The following VIPR2 variants were observed in gnomAD, a reference collection of about 807,000 sequenced individuals.
VIPR2 encodes vasoactive intestinal polypeptide receptor 2.
In VIPR2, 48 loss-of-function variants were observed where a neutral mutation model predicts 58.0. The ratio of observed to expected loss-of-function variants is 0.83; its 90% confidence interval spans 0.66 to 1.05. The LOEUF is 1.05. Among genes scored for constraint, VIPR2 ranks in the 50% least tolerant of loss-of-function variants. VIPR2 has a pLI of 0.00. For missense variants in VIPR2, 534 were observed against 558.0 expected (o/e 0.96, Z 0.43); for synonymous variants, 243 against 235.2 (o/e 1.03, Z -0.30).
intron 8 of VIPR2, among the ~76,000 whole-genome samples, chr7:159,035,236 G>C (rs1352291051): frequency 1.3e-5 from 2 of 152,190 alleles, no homozygotes; most frequent in East Asian, 3.9e-4. Context: ...TTGGGTCCAT[G>C]CTTTCCCTCG....
Position 159,096,886 on chromosome 7 carries a change from G to A in VIPR2, c.357+6871C>T. ...CCATGGCTGAGACCACCCTCTCTGTGGCCGCCTTGCTGTCCCCGTTCCCAT... is the reference window on the plus strand; with the variant it reads ...CCATGGCTGAGACCACCCTCTCTGTAGCCGCCTTGCTGTCCCCGTTCCCAT... On this transcript the variant is annotated intron_variant, in intron 4 of 12. Coordinates refer to ENST00000262178, the MANE Select transcript of VIPR2 (RefSeq NM_003382.5). This position sits in a 1 kb window ranked among gnomAD's most constrained non-coding sequence, Gnocchi z 5.5. 6.5e-7 allele frequency: 1 copy of A among 1,549,072 alleles called. No homozygotes were observed. Among genetic ancestry groups the A allele is most frequent in the Non-Finnish European group, 8.7e-7 (1 of 1,146,216 alleles).
chr7:159,137,103 T>C (rs945242559), intron 2 of VIPR2, among the ~76,000 whole-genome samples: 1 of 152,082 alleles, frequency 6.6e-6, no homozygotes, highest in Non-Finnish European at 1.5e-5. Flanking sequence ...GGGAGGAAGC[T>C]GACTCTGACC....
intron 4 of VIPR2, among the ~76,000 whole-genome samples, chr7:159,066,209 G>T (rs1856078477): frequency 6.6e-6 from 1 of 152,032 alleles, no homozygotes; most frequent in African/African-American, 2.4e-5. Flanking sequence ...ACCGTCCATG[G>T]GATTGCAGGA....
At chr7:159,077,000 G>GAC (rs2129494775) in intron 4 of VIPR2, among the ~76,000 whole-genome samples, 1 of 152,306 alleles carries the variant, frequency 6.6e-6, no homozygotes, top group African/African-American at 2.4e-5. Context: ...CAGTTTCAAT[G>GAC]AGTAGAGATT....
intron 2 of VIPR2, among the ~76,000 whole-genome samples, chr7:159,134,428 G>A (rs1797109541): frequency 1.3e-5 from 2 of 152,146 alleles, no homozygotes; most frequent in Admixed American, 6.5e-5. Context: ...AGGAAAAAGA[G>A]AGTACTTTTA....
chr7:159,112,807 C>G (rs1401522269), intron 2 of VIPR2, among the ~76,000 whole-genome samples: 1 of 147,350 alleles, frequency 6.8e-6, no homozygotes, highest in Non-Finnish European at 1.5e-5. Context: ...CTGAGAGCCC[C>G]GACTGTGAAG....
intron 2 of VIPR2, 43 bp from the exon 3 acceptor site, chr7:159,109,962 A>T: frequency 2.5e-6 from 4 of 1,586,524 alleles, no homozygotes; most frequent in Non-Finnish European, 3.4e-6. Context: ...AAGGTGACAG[A>T]AGTGTCACAA....
intron 4 of VIPR2, among the ~76,000 whole-genome samples, chr7:159,091,660 G>T (rs1440779515): frequency 1.3e-5 from 2 of 152,206 alleles, no homozygotes; most frequent in African/African-American, 4.8e-5. Context: ...GGGGCCATGA[G>T]ACCTGCCTGG....
chr7:159,081,867 C>G (rs1174092352), intron 4 of VIPR2, among the ~76,000 whole-genome samples: 1 of 152,214 alleles, frequency 6.6e-6, no homozygotes, highest in Non-Finnish European at 1.5e-5. Flanking sequence ...TGAAAAAATA[C>G]TCATCATCAC....
At chr7:159,048,886 T>C (rs1235142901) in intron 5 of VIPR2, among the ~76,000 whole-genome samples, 1 of 152,220 alleles carries the variant, frequency 6.6e-6, no homozygotes, top group Non-Finnish European at 1.5e-5. Context: ...GGGCTTTCTC[T>C]AGTTCTTCCA....
intron 3 of VIPR2, among the ~76,000 whole-genome samples, chr7:159,107,007 G>A (rs1201558195): frequency 6.6e-6 from 1 of 152,080 alleles, no homozygotes; most frequent in African/African-American, 2.4e-5. Flanking sequence ...CCAGGGAGGT[G>A]CAGAGAAAGG....
At chr7:159,042,275 A>G (rs1854398580) in intron 6 of VIPR2, among the ~76,000 whole-genome samples, 1 of 152,110 alleles carries the variant, frequency 6.6e-6, no homozygotes, top group African/African-American at 2.4e-5. Flanking sequence ...TCTGGTTGAG[A>G]GTGAGGTACC....
At position 159,097,671 on chromosome 7, in the gene VIPR2, A is replaced by G. The variant is rs891519188; in HGVS notation, c.357+6086T>C. Among the ~76,000 whole-genome samples the G allele has an allele frequency of 3.3e-5, 5 of 152,206 alleles. No homozygotes were observed. The highest frequency in any genetic ancestry group is 5.9e-5 in the Non-Finnish European group (4 of 68,038). On this transcript the variant is annotated intron_variant, in intron 4 of 12. Transcript: ENST00000262178. This position sits in a 1 kb window ranked among gnomAD's most constrained non-coding sequence, Gnocchi z 5.3. ...CCACTCCTTTTGGGCTTTTGACACA[A>G]CGTATGCTTTTCAGTGCCTTGTTTC...
rs1426243303 is a variant in VIPR2 at position 159,038,072 on chromosome 7, A to ATATATATGGGTGGATACACT, written c.598-1190_598-1171dup. ...TTTTTATATATGGGTGGGTATACTT[A>ATATATATGGGTGGATACACT]TATATATGGGTGGATACACTTATAT... is the stretch of plus-strand genomic sequence containing the variant. On this transcript the variant is annotated intron_variant, in intron 6 of 12. Transcript: ENST00000262178. 2.0e-5 allele frequency among the ~76,000 whole-genome samples: 3 copies of ATATATATGGGTGGATACACT among 152,256 alleles called. No homozygotes were observed. The South Asian group carries it at 6.2e-4, about 32-fold the overall frequency.
intron 4 of VIPR2, among the ~76,000 whole-genome samples, chr7:159,094,645 T>A (rs1857718868): frequency 6.6e-6 from 1 of 152,192 alleles, no homozygotes; most frequent in South Asian, 2.1e-4. Context: ...GGCATCCGGC[T>A]CTGGTGGTGA....
chr7:159,131,013 C>T (rs532200289), intron 2 of VIPR2, among the ~76,000 whole-genome samples: 2 of 152,204 alleles, frequency 1.3e-5, no homozygotes, highest in Admixed American at 6.5e-5. Context: ...TCTCCTCTTC[C>T]AGACAGAATG....
At chr7:159,081,272 A>G (rs145393290) in intron 4 of VIPR2, among the ~76,000 whole-genome samples, 6,719 of 152,280 alleles carry the variant, frequency 0.044, 494 homozygotes, top group African/African-American at 0.15. Context: ...AAACAGAGAG[A>G]TAGACCAATG....
intron 10 of VIPR2, among the ~76,000 whole-genome samples, chr7:159,033,324 C>T (rs1853704808): frequency 1.3e-5 from 2 of 152,118 alleles, no homozygotes; most frequent in Admixed American, 1.3e-4. Flanking sequence ...GGCCAGGCAC[C>T]CTCCTAGGCT....
Position 159,098,062 on chromosome 7 carries a change from G to A in VIPR2, c.357+5695C>T, listed in dbSNP as rs1366472702. ...TCTTGGAAGCCTGAGCCCTGCCGGG[G>A]CAAGCGGAATCCCCAGCCTCACACC... On this transcript the variant is annotated intron_variant, in intron 4 of 12. Transcript: ENST00000262178. This position sits in a 1 kb window ranked among gnomAD's most constrained non-coding sequence, Gnocchi z 5.2. Among the ~76,000 whole-genome samples the A allele has an allele frequency of 6.6e-6, 1 of 152,206 alleles. No individual in the cohort carries two copies. Among genetic ancestry groups the A allele is most frequent in the African/African-American group, 2.4e-5 (1 of 41,466 alleles).
Sources: allele counts gnomAD v4.1 joint callset (sites outside exome capture counted in the v4.1 genomes callset), GRCh38; gene constraint gnomAD v4.1.1; non-coding constraint Gnocchi (gnomAD v3.1); transcripts MANE v1.5; gene names NCBI Gene and HGNC (gene_info 2026-07-23, HGNC 2026-07-21).